Variants in SGSM2 observed in about 807,000 individuals in gnomAD.
SGSM2 encodes RUN and TBC1 domain containing 1.
In SGSM2, 89 loss-of-function variants were observed where a neutral mutation model predicts 126.6. The ratio of observed to expected loss-of-function variants is 0.70; its 90% CI spans 0.59 to 0.84. The LOEUF (loss-of-function observed/expected upper bound fraction) is 0.84, where lower values mean the gene tolerates loss of function less well. Among genes scored for constraint, SGSM2 ranks in the 40% least tolerant of loss-of-function variants. The probability of loss-of-function intolerance (pLI) is 0.00; values close to 1 mark genes in which losing one functional copy is unlikely to be tolerated. For missense variants in SGSM2, 1,404 were observed against 1,416.6 expected, an observed-to-expected ratio of 0.99 and a Z score of 0.14; for synonymous variants, 614 against 574.3, an observed-to-expected ratio of 1.07 and a Z score of -0.99.
chr17:2,363,002 C>T lies in SGSM2; in HGVS notation c.540C>T (p.Ala180=), dbSNP rs142758624. 310 of 1,613,956 alleles carry T rather than the reference C, an allele frequency of 1.9e-4. No homozygotes were observed. The highest frequency in any genetic ancestry group is 2.4e-4 in the Non-Finnish European group (285 of 1,180,052). The change falls in exon 6 of 24, where the codon GCC becomes GCT. Residue 180 remains alanine (A), a synonymous_variant. Transcript: ENST00000268989. The surrounding 1 kb of genome is among the most constrained non-coding windows in gnomAD (Gnocchi z 4.2). ...CTGTCTCCACAGTGGGACCCTGTGC[C>T]TTGGAATACACTAAGCTCAAGACAG... ...ILASLLVGPC[A]LEYTKLKTAD...
Position 2,380,112 on chromosome 17 carries a change from G to A in SGSM2, c.*592G>A, listed in dbSNP as rs1172733500. On this transcript the variant is annotated 3_prime_UTR_variant, in exon 24 of 24. Transcript: ENST00000268989. The stretch of plus-strand genomic sequence containing the variant: ...CGAGATTCTGGGGCAGTCGGAAGAT[G>A]TGGGCCCTGGGTGGGAGCAGCCCAC... The A allele has an allele frequency of 7.1e-7, 1 of 1,402,500 alleles. No homozygotes were observed. The highest frequency in any genetic ancestry group is 1.5e-5 in the African/African-American group (1 of 68,108). 86.9% of individuals were successfully genotyped at this position (1,402,500 alleles called of 1,614,324 possible). A position where few individuals can be genotyped will look rare whatever the true frequency, so the allele number is the denominator to read the frequency against.
At chr17:2,348,400 C>T (rs926307133) in intron 2 of SGSM2, among the ~76,000 whole-genome samples, 2 of 152,132 alleles carry the variant, frequency 1.3e-5, no homozygotes, top group Non-Finnish European at 2.9e-5. Flanking sequence ...AAAGGAGGAG[C>T]GGGTTCCTCC....
Position 2,338,387 on chromosome 17 carries a change from C to T in SGSM2, c.57+642C>T, listed in dbSNP as rs186816291. ...TACTTCAGAAAGAGAAGTAGTCCTT[C>T]CCTCTACTAACTCCGTTTACCTTGA... is the stretch of plus-strand genomic sequence containing the variant. On this transcript the variant is annotated intron_variant, in intron 1 of 23. Transcript: ENST00000268989. Among the ~76,000 whole-genome samples, 923 of 152,296 alleles carry T rather than the reference C, an allele frequency of 6.1e-3. 6 individuals carry two copies. Among genetic ancestry groups the T allele is most frequent in the Non-Finnish European group, 0.01 (689 of 68,022 alleles).
Position 2,363,731 on chromosome 17 carries a change from A to G in SGSM2, c.807+132A>G. On this transcript the variant is annotated intron_variant, in intron 7 of 23. Coordinates refer to ENST00000268989, the MANE Select transcript of SGSM2 (RefSeq NM_014853.3). This position sits in a 1 kb window ranked among gnomAD's most constrained non-coding sequence, Gnocchi z 4.2. The stretch of plus-strand genomic sequence containing the variant: ...GGGGGAGAATGGCCCCAGCCTCCCA[A>G]CTCCCTGTTTCACACGACTCACGCC... 1 of 1,327,938 alleles carries G rather than the reference A, an allele frequency of 7.5e-7. No individual in the cohort carries two copies. The highest frequency in any genetic ancestry group is 1.5e-5 in the African/African-American group (1 of 67,750). The allele number at this position is 1,327,938 out of a possible 1,614,324, so 82.3% of individuals were successfully genotyped here.
chr17:2,377,796 G>A, intron 21 of SGSM2, 61 bp from the exon 22 acceptor site: 1 of 1,107,138 alleles, frequency 9.0e-7, no homozygotes, highest in Non-Finnish European at 1.4e-6. Context: ...GACGGTGAGT[G>A]GCGGCCAGAG....
chr17:2,354,876 C>T (rs1013029895), intron 2 of SGSM2, among the ~76,000 whole-genome samples: 2 of 137,968 alleles, frequency 1.4e-5, no homozygotes, highest in South Asian at 2.1e-4. Flanking sequence ...ATGGTGGAAT[C>T]GGGGTGTAAG....
At chr17:2,370,681 G>A (rs141689711) in intron 12 of SGSM2, among the ~76,000 whole-genome samples, 262 of 152,326 alleles carry the variant, frequency 1.7e-3, no homozygotes, top group African/African-American at 5.7e-3. Context: ...GCCTGGGCAC[G>A]GGGCACTGCT....
Position 2,377,077 on chromosome 17 carries a change from G to A in SGSM2, c.2802+9G>A, listed in dbSNP as rs374913607. On this transcript the variant is annotated intron_variant, in intron 21 of 23. Coordinates refer to ENST00000268989, the MANE Select transcript of SGSM2 (RefSeq NM_014853.3). ...TGCGCTCCCTCATCCAGGTGAGGCC[G>A]GTTGCCACCCATGGGCATGGGAGCA... The A allele has an allele frequency of 4.5e-5, 71 of 1,593,664 alleles. No homozygotes were observed. Among genetic ancestry groups the A allele is most frequent in the Non-Finnish European group, 5.8e-5 (67 of 1,164,490 alleles).
At chr17:2,374,355 T>C (rs1322078599) in intron 17 of SGSM2, 3 of 152,114 alleles carry the variant, frequency 2.0e-5, no homozygotes, top group Non-Finnish European at 4.4e-5. Flanking sequence ...GGTGGGAGGA[T>C]TGCTTCAGTT....
At chr17:2,340,972 G>C (rs2064344401) in intron 1 of SGSM2, among the ~76,000 whole-genome samples, 1 of 152,162 alleles carries the variant, frequency 6.6e-6, no homozygotes, top group Non-Finnish European at 1.5e-5. Flanking sequence ...TTTCACAAAG[G>C]ACCACTGGTA....
At chr17:2,361,607 G>A (rs1188183812) in intron 2 of SGSM2, 30 bp from the exon 3 acceptor site, 2 of 1,609,508 alleles carry the variant, frequency 1.2e-6, no homozygotes, top group Middle Eastern at 1.9e-4. Context: ...TCTTTCCCAG[G>A]CTCAGATGCC....
intron 2 of SGSM2, among the ~76,000 whole-genome samples, chr17:2,361,184 C>T (rs1279931026): frequency 6.6e-6 from 1 of 152,354 alleles, no homozygotes; most frequent in South Asian, 2.1e-4. Flanking sequence ...CTGTCGGGTC[C>T]AAGCTCTGCA....
Position 2,364,629 on chromosome 17 carries a change from C to G in SGSM2, c.966C>G (p.Phe322Leu), listed in dbSNP as rs759883314. ...GGGACTATGCCCTCGTGGTGCCCTTCAGCCAGGTCGTGTGCATCCACTGCC... is the reference window on the plus strand; with the variant it reads ...GGGACTATGCCCTCGTGGTGCCCTTGAGCCAGGTCGTGTGCATCCACTGCC... ...VYWDYALVVPFSQVVCIHCHQ... is the reference protein window; with the variant it reads ...VYWDYALVVPLSQVVCIHCHQ... Residue 322 changes from phenylalanine (F) to leucine (L), a missense_variant, in exon 9 of 24, where the codon TTC becomes TTG. Phe to Leu is a conservative substitution (Grantham distance 22). Transcript: ENST00000268989. The G allele has an allele frequency of 6.2e-7, 1 of 1,614,256 alleles. No homozygotes were observed. Among genetic ancestry groups the G allele is most frequent in the South Asian group, 1.1e-5 (1 of 91,090 alleles).
chr17:2,366,259 GTC>G (rs1166129457), intron 11 of SGSM2, among the ~76,000 whole-genome samples: 6 of 152,268 alleles, frequency 3.9e-5, no homozygotes, highest in Admixed American at 6.5e-5. Flanking sequence ...GCCCAAGGGG[GTC>G]TCTCTGTCTA....
chr17:2,371,756 G>C, intron 13 of SGSM2: 1 of 390,062 alleles, frequency 2.6e-6, no homozygotes, highest in Non-Finnish European at 4.7e-6. Flanking sequence ...CCTTCCCGAT[G>C]TGCACACAGA....
intron 2 of SGSM2, among the ~76,000 whole-genome samples, chr17:2,360,668 C>G (rs1410409332): frequency 6.6e-6 from 1 of 152,376 alleles, no homozygotes; most frequent in East Asian, 1.9e-4. Context: ...AGCAAGTGAC[C>G]GTGCCAAGCT....
chr17:2,360,785 C>T (rs2065276113), intron 2 of SGSM2, among the ~76,000 whole-genome samples: 1 of 152,258 alleles, frequency 6.6e-6, no homozygotes, highest in African/African-American at 2.4e-5. Flanking sequence ...ACCAGACACA[C>T]CTGGACGTGG....
In SGSM2 at chr17:2,363,434, GC is replaced by G. The variant is rs1485764406; in HGVS notation, c.673-30del. 6 of 1,611,528 alleles carry G rather than the reference GC, an allele frequency of 3.7e-6. No individual in the cohort carries two copies. The East Asian group carries it at 1.3e-4, about 36-fold the overall frequency. Reference sequence around the variant, plus strand: ...CAAGCCTTGAGGCCAGTTTCCCAAGGCTGGAGGCTGAGCCCCGGCCTTCCAC... The same window carrying G: ...CAAGCCTTGAGGCCAGTTTCCCAAGGTGGAGGCTGAGCCCCGGCCTTCCAC... On this transcript the variant is annotated intron_variant, in intron 6 of 23. Transcript: ENST00000268989. This position sits in a 1 kb window ranked among gnomAD's most constrained non-coding sequence, Gnocchi z 4.2.
intron 2 of SGSM2, 131 bp downstream of exon 2, chr17:2,343,751 C>G (rs1263454804): frequency 1.4e-6 from 1 of 731,582 alleles, no homozygotes; most frequent in African/African-American, 1.8e-5. Context: ...AACCTGGAAG[C>G]TTTTGAAATC....
Sources: allele counts gnomAD v4.1 joint callset (sites outside exome capture counted in the v4.1 genomes callset), GRCh38; gene constraint gnomAD v4.1.1; non-coding constraint Gnocchi (gnomAD v3.1); transcripts MANE v1.5; gene names NCBI Gene and HGNC (gene_info 2026-07-23, HGNC 2026-07-21).